CFAP47: variants seen among roughly 807,000 people sequenced by gnomAD.
The protein encoded by CFAP47 is cilia and flagella associated protein 47, also known as cilia- and flagella-associated protein 47.
CFAP47 carries 29 observed loss-of-function variants against 148.1 expected under a neutral mutation model. That is an observed-to-expected ratio of 0.20 (90% CI 0.15 to 0.27). The LOEUF is 0.27. Among genes scored for constraint, CFAP47 ranks in the 10% least tolerant of loss-of-function variants. The pLI, the probability that CFAP47 is intolerant of heterozygous loss-of-function variation, is 1.00. For missense variants in CFAP47, 1,872 were observed against 1,697.5 expected (o/e 1.10, Z -1.81); for synonymous variants, 664 against 577.3 (o/e 1.15, Z -2.15).
At chrX:36,028,526 T>TCC (rs1002199759) in intron 22 of CFAP47, among the ~76,000 whole-genome samples, 3 of 111,485 alleles carry the variant, frequency 2.7e-5, no homozygotes, top group Non-Finnish European at 5.7e-5. Flanking sequence ...ATTTGTTGTG[T>TCC]CATCTGTGTT....
At chrX:36,118,495 A>C (rs773202156) in intron 33 of CFAP47, among the ~76,000 whole-genome samples, 12 of 110,429 alleles carry the variant, frequency 1.1e-4, no homozygotes, top group Admixed American at 9.6e-4. Context: ...TTTGAGATGG[A>C]GTCTTGCTCT....
chrX:36,266,638 G>A (rs1179447660), intron 49 of CFAP47, among the ~76,000 whole-genome samples: 3 of 110,756 alleles, frequency 2.7e-5, no homozygotes, highest in Non-Finnish European at 5.7e-5. Context: ...TGGTTAAAGT[G>A]CTATGATGGT....
rs181101653 is a variant in CFAP47, at chrX:36,294,957, T to C, written c.7687-4020T>C. Among the ~76,000 whole-genome samples the C allele has an allele frequency of 4.5e-4, 50 of 111,784 alleles. No homozygotes were observed. In the East Asian group the frequency reaches 0.014, roughly 31 times the overall value. ...AATTTCAGCATCTTGTGAATGTCTT[T>C]TCTGTTTTAAAATTTTTGCTTGTAT... On this transcript the variant is annotated intron_variant, in intron 51 of 63. Transcript: ENST00000378653.
At chrX:36,232,591 G>C (rs1244578336) in intron 46 of CFAP47, among the ~76,000 whole-genome samples, 1 of 110,895 alleles carries the variant, frequency 9.0e-6, no homozygotes, top group African/African-American at 3.3e-5. Context: ...TTTTTTAAAG[G>C]GTTTTTTTGT....
intron 49 of CFAP47, among the ~76,000 whole-genome samples, chrX:36,258,497 A>G (rs1380688426): frequency 4.5e-5 from 5 of 111,914 alleles, no homozygotes; most frequent in Non-Finnish European, 9.4e-5. Flanking sequence ...GATTTTTGAC[A>G]TTTAATTGAT....
rs143246962 is a variant in CFAP47 at position 35,981,041 on chromosome X, G to T, written c.2713+5128G>T. On this transcript the variant is annotated intron_variant, in intron 15 of 63. Coordinates refer to ENST00000378653, the MANE Select transcript of CFAP47 (RefSeq NM_001304548.2). ...TTACATAAAGAAATAGCTATAAAAA[G>T]ATATTGTTGAGATTGTAACATAAAT... Among the ~76,000 whole-genome samples, 656 of 109,937 alleles carry T rather than the reference G, an allele frequency of 6.0e-3. 7 individuals carry two copies. Among genetic ancestry groups the T allele is most frequent in the African/African-American group, 0.021 (631 of 30,364 alleles).
At chrX:36,071,472 G>A (rs1937751214) in intron 27 of CFAP47, among the ~76,000 whole-genome samples, 1 of 112,164 alleles carries the variant, frequency 8.9e-6, no homozygotes, top group Admixed American at 9.4e-5. Context: ...AACAGCGTAT[G>A]TAATAATTTC....
chrX:36,224,550 G>A (rs1555991241), intron 45 of CFAP47, among the ~76,000 whole-genome samples: 2 of 111,635 alleles, frequency 1.8e-5, no homozygotes, highest in Non-Finnish European at 3.8e-5. Flanking sequence ...ATTTAGGAAT[G>A]GGAAAGAGGC....
In CFAP47 at chrX:36,035,813, G is replaced by T; in HGVS notation, c.3770G>T (p.Arg1257Leu). 3.4e-6 allele frequency: 1 copy of T among 295,792 alleles called. No homozygotes were observed. The highest frequency in any genetic ancestry group is 5.9e-6 in the Non-Finnish European group (1 of 169,372). 24.4% of individuals were successfully genotyped at this position (295,792 alleles called of 1,213,427 possible). ...TTCAGTGTACTGAATGGGATTCTAC[G>T]ACCAAATGAAAAGTATAATGTTTCC... ...FKFSVLNGIL[R>L]PNEKYNVSIS... is the part of the protein sequence containing the mutation. Residue 1257 changes from arginine (R) to leucine (L), a missense_variant, in exon 24 of 64, where the codon CGA (arginine) becomes CTA (leucine). Transcript: ENST00000378653.
chrX:36,326,050 A>AT (rs1281612882), intron 57 of CFAP47, among the ~76,000 whole-genome samples: 4 of 110,648 alleles, frequency 3.6e-5, no homozygotes, highest in South Asian at 3.8e-4. Context: ...TTTTTCATTG[A>AT]TTTTTTGTGC....
intron 21 of CFAP47, among the ~76,000 whole-genome samples, chrX:36,004,276 C>T (rs960213861): frequency 1.8e-5 from 2 of 110,716 alleles, no homozygotes; most frequent in African/African-American, 6.6e-5. Flanking sequence ...TGCACCAGAC[C>T]AAAAACCACT....
At chrX:36,314,001 A>G (rs991964759) in intron 56 of CFAP47, among the ~76,000 whole-genome samples, 1 of 112,010 alleles carries the variant, frequency 8.9e-6, no homozygotes, top group Non-Finnish European at 1.9e-5. Flanking sequence ...TGACTGGACC[A>G]TAAATAAAAT....
intron 26 of CFAP47, among the ~76,000 whole-genome samples, chrX:36,050,667 T>C (rs1407489732): frequency 8.9e-6 from 1 of 112,337 alleles, no homozygotes; most frequent in Non-Finnish European, 1.9e-5. Context: ...ACCCATTTTC[T>C]GTGGAGAAGT....
Position 36,104,673 on chromosome X carries a change from TG to T in CFAP47, c.5304del (p.Trp1768Ter). On this transcript the variant is annotated frameshift_variant, in exon 33 of 64. Transcript: ENST00000378653. LOFTEE classifies it high-confidence loss of function. Reference protein sequence around the residue: ...INYENTRHVIWKNCHKDVIPS... With the variant: ...INYENTRHVIXKNCHKDVIPS... ...TTATGAGAATACTCGACATGTGATA[TG>T]GAAAAACTGTCACAAAGGTGAGAAG... 1 of 851,935 alleles carries T rather than the reference TG, an allele frequency of 1.2e-6. No homozygotes were observed. Among genetic ancestry groups the T allele is most frequent in the Non-Finnish European group, 1.7e-6 (1 of 593,264 alleles). The allele number at this position is 851,935 out of a possible 1,213,427, so 70.2% of individuals were successfully genotyped here.
Position 36,014,894 on chromosome X carries a change from T to C in CFAP47, c.3538T>C (p.Cys1180Arg), listed in dbSNP as rs1937079936. The C allele has an allele frequency of 1.7e-5, 5 of 295,210 alleles. No homozygotes were observed. The East Asian group carries it at 2.4e-4, about 14-fold the overall frequency. The allele number at this position is 295,210 out of a possible 1,213,427, so 24.3% of individuals were successfully genotyped here. The change falls in exon 22 of 64, where the codon TGT (cysteine) becomes CGT (arginine). Residue 1180 changes from cysteine to arginine, a missense_variant. Transcript: ENST00000378653. The stretch of plus-strand genomic sequence containing the variant: ...AAAAACAGTACCACTTATCCGACCA[T>C]GTTACGTTCAAGCTACTGGTATGTA... ...NPKTVPLIRP[C>R]YVQATALQSP...
intron 16 of CFAP47, chrX:35,990,092 T>G (rs996051325): frequency 5.4e-5 from 6 of 111,770 alleles, no homozygotes; most frequent in African/African-American, 1.9e-4. Flanking sequence ...CATATGTATA[T>G]GTATATGTGG....
chrX:35,924,489 C>A lies in CFAP47; in HGVS notation c.250-1528C>A, dbSNP rs189817590. Among the ~76,000 whole-genome samples, 271 of 100,791 alleles carry A rather than the reference C, an allele frequency of 2.7e-3. 1 individual carries two copies. The highest frequency in any genetic ancestry group is 9.0e-3 in the African/African-American group (240 of 26,658). The allele number at this position is 100,791 out of a possible 115,157, so 87.5% of individuals were successfully genotyped here. Reference sequence around the variant, plus strand: ...CACCTATATGTGTATATATGTGCACCTATATGTGTATATAGGTGCACATAT... The same window carrying A: ...CACCTATATGTGTATATATGTGCACATATATGTGTATATAGGTGCACATAT... On this transcript the variant is annotated intron_variant, in intron 1 of 63. Transcript: ENST00000378653.
intron 49 of CFAP47, among the ~76,000 whole-genome samples, chrX:36,276,182 A>C (rs1569306303): frequency 9.0e-6 from 1 of 110,919 alleles, no homozygotes; most frequent in African/African-American, 3.3e-5. Context: ...TCACTGTGCT[A>C]GTTTACCTGT....
intron 32 of CFAP47, among the ~76,000 whole-genome samples, chrX:36,102,691 C>T (rs936244934): frequency 9.0e-6 from 1 of 111,373 alleles, no homozygotes; most frequent in Admixed American, 9.5e-5. Flanking sequence ...GGTCATTAGT[C>T]CCAAACATAT....
Sources: allele counts gnomAD v4.1 joint callset (sites outside exome capture counted in the v4.1 genomes callset), GRCh38; gene constraint gnomAD v4.1.1; transcripts MANE v1.5; gene names NCBI Gene and HGNC (gene_info 2026-07-23, HGNC 2026-07-21).